Variants in PID1 observed in about 807,000 individuals in gnomAD.
The protein encoded by PID1 is phosphotyrosine interaction domain containing 1, also known as PTB-containing, cubilin and LRP1-interacting protein.
PID1 carries 10 observed loss-of-function variants against 19.1 expected under a neutral mutation model. That is an observed-to-expected ratio of 0.52 (90% CI 0.32 to 0.89). PID1 has a LOEUF of 0.89. PID1 is among the 40% of genes least tolerant of loss of function. The pLI is 0.03. For missense variants in PID1, 248 were observed against 285.3 expected, an observed-to-expected ratio of 0.87 and a Z score of 0.94; for synonymous variants, 130 against 116.0, an observed-to-expected ratio of 1.12 and a Z score of -0.78.
Position 229,040,317 on chromosome 2 carries a change from CAACAAACA to C in PID1, c.178-14217_178-14210del, listed in dbSNP as rs113818466. Among the ~76,000 whole-genome samples the C allele has an allele frequency of 2.8e-3, 420 of 150,970 alleles. 1 individual carries two copies. Among genetic ancestry groups the C allele is most frequent in the South Asian group, 4.0e-3 (19 of 4,784 alleles). On this transcript the variant is annotated intron_variant, in intron 2 of 2. Transcript: ENST00000392055. ...CCTGGGCAACAAAGCAAGACATCGT[CAACAAACA>C]AACAAACAAACAAACAAACAAAGTA...
intron 1 of PID1, among the ~76,000 whole-genome samples, chr2:229,255,668 C>G (rs370260725): frequency 7.9e-5 from 12 of 152,178 alleles, no homozygotes; most frequent in African/African-American, 2.9e-4. Context: ...AATATCATAA[C>G]AATGAGAAGT....
chr2:229,170,985 C>T (rs895030772), intron 1 of PID1, among the ~76,000 whole-genome samples: 2 of 152,172 alleles, frequency 1.3e-5, no homozygotes, highest in Non-Finnish European at 2.9e-5. Flanking sequence ...TTTAAGAATC[C>T]AGGGACTGTT....
chr2:229,109,201 G>A (rs762783027), intron 2 of PID1, among the ~76,000 whole-genome samples: 5 of 152,214 alleles, frequency 3.3e-5, no homozygotes, highest in Middle Eastern at 3.4e-3. Flanking sequence ...TTTGGTAGCC[G>A]AATCACCTAT....
At chr2:229,139,300 C>T (rs1349084184) in intron 2 of PID1, among the ~76,000 whole-genome samples, 2 of 152,128 alleles carry the variant, frequency 1.3e-5, no homozygotes, top group African/African-American at 4.8e-5. Flanking sequence ...AATGGCACTT[C>T]CTTCACAGTG....
chr2:229,077,287 C>T (rs1694577218), intron 2 of PID1, among the ~76,000 whole-genome samples: 1 of 152,038 alleles, frequency 6.6e-6, no homozygotes, highest in Admixed American at 6.5e-5. Flanking sequence ...GATATTAGCC[C>T]TTTGTCAGAT....
chr2:229,261,124 A>G (rs1392714205), intron 1 of PID1, among the ~76,000 whole-genome samples: 1 of 152,156 alleles, frequency 6.6e-6, no homozygotes, highest in East Asian at 1.9e-4. Flanking sequence ...AAGGAATGCC[A>G]AAGGTTGCCA....
At chr2:229,072,034 T>C (rs1479140235) in intron 2 of PID1, among the ~76,000 whole-genome samples, 1 of 152,206 alleles carries the variant, frequency 6.6e-6, no homozygotes, top group Non-Finnish European at 1.5e-5. Context: ...CATGGGATCA[T>C]ATACAAATCT....
intron 2 of PID1, among the ~76,000 whole-genome samples, chr2:229,041,043 G>T (rs1693761003): frequency 6.6e-6 from 1 of 152,142 alleles, no homozygotes; most frequent in Non-Finnish European, 1.5e-5. Flanking sequence ...ATACAGGTGA[G>T]TTTGTGTGTA....
At chr2:229,108,428 G>A (rs546316115) in intron 2 of PID1, among the ~76,000 whole-genome samples, 8 of 152,346 alleles carry the variant, frequency 5.3e-5, no homozygotes, top group Admixed American at 2.6e-4. Flanking sequence ...ACTGCACAAA[G>A]CAGAGGAGAG....
intron 1 of PID1, among the ~76,000 whole-genome samples, chr2:229,156,856 C>T (rs1690383260): frequency 6.6e-6 from 1 of 152,178 alleles, no homozygotes; most frequent in South Asian, 2.1e-4. Context: ...CATCCCCATC[C>T]TCTCATGTAG....
chr2:229,171,694 G>T (rs1690714739), intron 1 of PID1, among the ~76,000 whole-genome samples: 1 of 152,132 alleles, frequency 6.6e-6, no homozygotes, highest in South Asian at 2.1e-4. Context: ...GCTCCTAAAT[G>T]TATATTTGAT....
intron 2 of PID1, among the ~76,000 whole-genome samples, chr2:229,113,896 C>T (rs1037770808): frequency 2.0e-5 from 3 of 152,166 alleles, no homozygotes; most frequent in East Asian, 1.9e-4. Flanking sequence ...TTTTCAGATG[C>T]TAAATGAGCG....
At chr2:229,231,705 C>G (rs948939572) in intron 1 of PID1, among the ~76,000 whole-genome samples, 7 of 152,132 alleles carry the variant, frequency 4.6e-5, no homozygotes, top group African/African-American at 1.7e-4. Context: ...CTCAGCTATG[C>G]TGGAGTTCCC....
At chr2:229,050,276 A>G (rs977834268) in intron 2 of PID1, among the ~76,000 whole-genome samples, 20 of 152,062 alleles carry the variant, frequency 1.3e-4, no homozygotes, top group African/African-American at 4.3e-4. Flanking sequence ...ACATATCACA[A>G]TGCAAAATGA....
intron 1 of PID1, among the ~76,000 whole-genome samples, chr2:229,248,733 C>G (rs1365737443): frequency 6.6e-6 from 1 of 152,072 alleles, no homozygotes; most frequent in Non-Finnish European, 1.5e-5. Flanking sequence ...TTGTTTAAAT[C>G]AGTTTATATT....
intron 1 of PID1, among the ~76,000 whole-genome samples, chr2:229,214,600 T>C (rs1691806377): frequency 6.6e-6 from 1 of 152,206 alleles, no homozygotes; most frequent in African/African-American, 2.4e-5. Flanking sequence ...TAGTTAGTTT[T>C]CTTTTCACTA....
At chr2:229,192,563 A>G (rs1031770122) in intron 1 of PID1, among the ~76,000 whole-genome samples, 2 of 152,232 alleles carry the variant, frequency 1.3e-5, no homozygotes, top group Non-Finnish European at 2.9e-5. Context: ...TTGAAGAATC[A>G]TAGACACCCA....
rs6436828 is a variant in PID1, at chr2:229,047,246, T to G, written c.178-21138A>C. On this transcript the variant is annotated intron_variant, in intron 2 of 2. Coordinates refer to ENST00000392055, the MANE Select transcript of PID1 (RefSeq NM_001100818.2). ...AACCATGCAGAGTTAGAATCAACCC[T>G]GGAAAGGGCTCCTGCCCAGGTTCCC... Among the ~76,000 whole-genome samples, 17 of 152,080 alleles carry G rather than the reference T, an allele frequency of 1.1e-4. No individual in the cohort carries two copies. In the South Asian group the frequency reaches 3.3e-3, roughly 30 times the overall value.
At chr2:229,096,480 T>C (rs1042962861) in intron 2 of PID1, among the ~76,000 whole-genome samples, 1 of 152,154 alleles carries the variant, frequency 6.6e-6, no homozygotes, top group Non-Finnish European at 1.5e-5. Flanking sequence ...CTCCGTTTCA[T>C]ACACCTGAGG....
Sources: allele counts gnomAD v4.1 joint callset (sites outside exome capture counted in the v4.1 genomes callset), GRCh38; gene constraint gnomAD v4.1.1; transcripts MANE v1.5; gene names NCBI Gene and HGNC (gene_info 2026-07-23, HGNC 2026-07-21).